VWA8: variants seen among roughly 807,000 people sequenced by gnomAD.
The protein encoded by VWA8 is von Willebrand factor A domain-containing protein 8.
Under a neutral mutation model 241.5 loss-of-function variants are expected in VWA8, and 221 were observed. The ratio of observed to expected loss-of-function variants is 0.91; its 90% CI spans 0.82 to 1.02. The LOEUF (loss-of-function observed/expected upper bound fraction) is 1.02. VWA8 is among the 50% of genes least tolerant of loss of function. The pLI, the probability that VWA8 is intolerant of heterozygous loss-of-function variation, is 0.00. For synonymous variants in VWA8, 852 were observed against 827.1 expected (o/e 1.03, Z -0.52); for missense variants, 2,322 against 2,328.7 (o/e 1.00, Z 0.06).
chr13:41,801,545 G>A (rs549916383), intron 17 of VWA8, among the ~76,000 whole-genome samples: 2 of 152,170 alleles, frequency 1.3e-5, no homozygotes, highest in South Asian at 4.1e-4. Flanking sequence ...TATGAAAAGA[G>A]ACGAAATCTT....
intron 17 of VWA8, among the ~76,000 whole-genome samples, chr13:41,791,416 GT>G (rs979351117): frequency 6.6e-6 from 1 of 151,686 alleles, no homozygotes; most frequent in Non-Finnish European, 1.5e-5. Flanking sequence ...TTGTTTTTCA[GT>G]TTTTTTAATT....
intron 37 of VWA8, among the ~76,000 whole-genome samples, chr13:41,634,738 C>T (rs1366725162): frequency 2.0e-5 from 3 of 151,858 alleles, no homozygotes; most frequent in African/African-American, 4.8e-5. Flanking sequence ...TTATTTCTAG[C>T]TCTAATTTTT....
chr13:41,618,177 G>C (rs1436702353), intron 37 of VWA8, among the ~76,000 whole-genome samples: 3 of 152,192 alleles, frequency 2.0e-5, no homozygotes, highest in African/African-American at 7.2e-5. Flanking sequence ...ATTCTAACTG[G>C]TGTGAGATGG....
chr13:41,910,293 C>G (rs1396867883), intron 3 of VWA8, among the ~76,000 whole-genome samples: 1 of 152,070 alleles, frequency 6.6e-6, no homozygotes, highest in Non-Finnish European at 1.5e-5. Context: ...AAGTGCACAT[C>G]TTAAAATTAA....
At chr13:41,700,423 G>T (rs1156758039) in intron 28 of VWA8, among the ~76,000 whole-genome samples, 2 of 152,108 alleles carry the variant, frequency 1.3e-5, no homozygotes, top group East Asian at 3.8e-4. Context: ...GCAAACTGTA[G>T]ATGTTAGTTT....
chr13:41,769,310 A>T (rs1566449483), intron 20 of VWA8, among the ~76,000 whole-genome samples: 1 of 152,372 alleles, frequency 6.6e-6, no homozygotes, highest in East Asian at 1.9e-4. Context: ...TTGTGGTCAC[A>T]TTAGAGCTAA....
intron 35 of VWA8, among the ~76,000 whole-genome samples, chr13:41,675,690 G>T (rs2045055824): frequency 6.6e-6 from 1 of 152,110 alleles, no homozygotes; most frequent in Admixed American, 6.5e-5. Flanking sequence ...AGGAAGTCCT[G>T]CTCCTGTCCG....
chr13:41,733,919 G>T (rs968091718), intron 21 of VWA8, among the ~76,000 whole-genome samples: 1 of 152,172 alleles, frequency 6.6e-6, no homozygotes, highest in African/African-American at 2.4e-5. Flanking sequence ...GTAGTTTATA[G>T]TGCAGGATAA....
At chr13:41,573,357 G>A (rs1399346037) in intron 43 of VWA8, among the ~76,000 whole-genome samples, 4 of 150,452 alleles carry the variant, frequency 2.7e-5, no homozygotes, top group African/African-American at 4.9e-5. Context: ...GGAGGAGGTC[G>A]TAGCGGGCCG....
chr13:41,785,185 G>T (rs950589185), intron 18 of VWA8, among the ~76,000 whole-genome samples: 3 of 152,054 alleles, frequency 2.0e-5, no homozygotes, highest in Non-Finnish European at 4.4e-5. Context: ...CTATGTGCCA[G>T]ATCCCAAGCT....
chr13:41,701,267 T>TA, intron 28 of VWA8, 125 bp downstream of exon 28: 1 of 1,192,752 alleles, frequency 8.4e-7, no homozygotes, highest in East Asian at 2.7e-5. Context: ...ATATAATTGC[T>TA]ATCCAATCCA....
intron 9 of VWA8, among the ~76,000 whole-genome samples, chr13:41,877,355 G>T (rs1873946059): frequency 6.6e-6 from 1 of 150,698 alleles, no homozygotes; most frequent in African/African-American, 2.4e-5. Flanking sequence ...CCTACTTCAG[G>T]TCATTACTGC....
chr13:41,611,250 T>C (rs2044586104), intron 39 of VWA8, among the ~76,000 whole-genome samples: 1 of 152,164 alleles, frequency 6.6e-6, no homozygotes, highest in Non-Finnish European at 1.5e-5. Flanking sequence ...CCTTGTCCTG[T>C]CTCCGCACTA....
At chr13:41,636,487 T>A (rs1314068483) in intron 37 of VWA8, among the ~76,000 whole-genome samples, 1 of 152,122 alleles carries the variant, frequency 6.6e-6, no homozygotes, top group Non-Finnish European at 1.5e-5. Flanking sequence ...GAAGAAAACC[T>A]AGGCAATACC....
chr13:41,667,035 T>C (rs1428862942), intron 37 of VWA8, among the ~76,000 whole-genome samples: 3 of 152,236 alleles, frequency 2.0e-5, no homozygotes, highest in Non-Finnish European at 2.9e-5. Flanking sequence ...TAAAGAATGA[T>C]GTATAAGAGT....
chr13:41,597,695 T>A (rs2044497492), intron 40 of VWA8, among the ~76,000 whole-genome samples: 1 of 152,100 alleles, frequency 6.6e-6, no homozygotes, highest in Non-Finnish European at 1.5e-5. Flanking sequence ...GCTGGGAACA[T>A]CTCGGTGTGC....
At chr13:41,670,594 T>C (rs959969045) in intron 37 of VWA8, among the ~76,000 whole-genome samples, 1 of 152,118 alleles carries the variant, frequency 6.6e-6, no homozygotes, top group Non-Finnish European at 1.5e-5. Context: ...AGGTAGCATG[T>C]AGAGATGCTG....
chr13:41,649,254 A>G (rs9315853), intron 37 of VWA8, among the ~76,000 whole-genome samples: 5,030 of 152,302 alleles, frequency 0.033, 277 homozygotes, highest in African/African-American at 0.11. Context: ...ATTACAAAAA[A>G]GGAATATTAA....
At chr13:41,674,867 C>T (rs934237190) in intron 36 of VWA8, among the ~76,000 whole-genome samples, 4 of 152,108 alleles carry the variant, frequency 2.6e-5, no homozygotes, top group African/African-American at 9.7e-5. Flanking sequence ...AACACATTTA[C>T]TTCAGAAAAT....
Sources: gnomAD v4.1 joint callset for allele counts (sites outside exome capture counted in the v4.1 genomes callset) on GRCh38, gnomAD v4.1.1 for gene constraint, MANE v1.5 for transcripts, NCBI Gene and HGNC (gene_info 2026-07-23, HGNC 2026-07-21) for gene names.